Variants in BLOC1S5 observed in about 807,000 individuals in gnomAD.
BLOC1S5 encodes the protein biogenesis of lysosome-related organelles complex 1 subunit 5.
BLOC1S5 carries 27 observed loss-of-function variants against 24.3 expected under a neutral mutation model. The ratio of observed to expected loss-of-function variants is 1.11; its 90% CI spans 0.82 to 1.53. The LOEUF (loss-of-function observed/expected upper bound fraction) is 1.53. Ranked by LOEUF, BLOC1S5 falls within the 40% of genes most tolerant of loss-of-function variation. The probability of loss-of-function intolerance (pLI) is 0.00; values close to 1 mark genes in which losing one functional copy is unlikely to be tolerated. For missense variants in BLOC1S5, 239 were observed against 229.4 expected (o/e 1.04, Z -0.27); for synonymous variants, 84 against 74.5 (o/e 1.13, Z -0.66).
chr6:8,016,935 C>T (rs747165496), intron 4 of BLOC1S5, among the ~76,000 whole-genome samples: 1 of 142,630 alleles, frequency 7.0e-6, no homozygotes, highest in Non-Finnish European at 1.5e-5. Context: ...TAAAGCAAAT[C>T]AACATCTCAA....
chr6:8,020,513 T>C (rs1202600476), intron 4 of BLOC1S5, among the ~76,000 whole-genome samples: 3 of 152,220 alleles, frequency 2.0e-5, no homozygotes, highest in Non-Finnish European at 2.9e-5. Context: ...TACCTCCAGA[T>C]TCCAGAGGCT....
intron 4 of BLOC1S5, among the ~76,000 whole-genome samples, chr6:8,025,554 C>T (rs1296679006): frequency 1.3e-5 from 2 of 152,274 alleles, no homozygotes; most frequent in East Asian, 3.9e-4. Context: ...TCAAAATTTA[C>T]ATCAACATTT....
In BLOC1S5 at chr6:8,059,443, T is replaced by C. The variant is rs142749612; in HGVS notation, c.195+3091A>G. On this transcript the variant is annotated intron_variant, in intron 2 of 4. Coordinates refer to ENST00000397457, the MANE Select transcript of BLOC1S5 (RefSeq NM_201280.3). Reference sequence around the variant, plus strand: ...TTAAACATATAAACAACTTTAGTTTTAAGTGCTAGCCAGTTTTTCTTAAAG... The same window carrying C: ...TTAAACATATAAACAACTTTAGTTTCAAGTGCTAGCCAGTTTTTCTTAAAG... 4.5e-3 allele frequency among the ~76,000 whole-genome samples: 685 copies of C among 152,358 alleles called. 5 individuals are homozygous for C. Among genetic ancestry groups the C allele is most frequent in the African/African-American group, 0.015 (644 of 41,594 alleles).
At chr6:8,053,935 A>ATCCAAAATCTGAAATGC (rs70982136) in intron 2 of BLOC1S5, among the ~76,000 whole-genome samples, 60,481 of 150,666 alleles carry the variant, frequency 0.4, 13,965 homozygotes, top group East Asian at 0.76. Context: ...TAACTCGAAA[A>ATCCAAAATCTGAAATGC]TCCAAAATCT....
chr6:8,016,605 A>G (rs9392945), intron 4 of BLOC1S5, among the ~76,000 whole-genome samples: 23,713 of 151,766 alleles, frequency 0.16, 1,898 homozygotes, highest in Admixed American at 0.19. Flanking sequence ...AGTGGCTCGC[A>G]CCTGTAATCC....
intron 3 of BLOC1S5, among the ~76,000 whole-genome samples, chr6:8,036,081 A>T (rs892243447): frequency 5.3e-5 from 8 of 152,004 alleles, no homozygotes; most frequent in African/African-American, 1.5e-4. Flanking sequence ...AACAAGAGGA[A>T]ACTTGGAAAA....
chr6:8,051,484 C>T (rs1764103664), intron 2 of BLOC1S5, among the ~76,000 whole-genome samples: 1 of 152,184 alleles, frequency 6.6e-6, no homozygotes, highest in Admixed American at 6.5e-5. Context: ...GCAACAAATG[C>T]TAACGTAGAC....
intron 2 of BLOC1S5, among the ~76,000 whole-genome samples, chr6:8,061,294 A>C (rs1332185117): frequency 1.3e-5 from 2 of 152,184 alleles, no homozygotes; most frequent in African/African-American, 2.4e-5. Flanking sequence ...AAGACTTAAA[A>C]ATTTTTTTTA....
intron 3 of BLOC1S5, among the ~76,000 whole-genome samples, chr6:8,029,387 C>T (rs150055488): frequency 4.6e-5 from 7 of 152,314 alleles, no homozygotes; most frequent in Non-Finnish European, 8.8e-5. Context: ...GGAAATCTCC[C>T]TGACTCATGG....
At chr6:8,054,534 G>T (rs1178029377) in intron 2 of BLOC1S5, among the ~76,000 whole-genome samples, 2 of 152,188 alleles carry the variant, frequency 1.3e-5, no homozygotes, top group African/African-American at 4.8e-5. Context: ...ATAGTGTGTG[G>T]TTCCTGTACC....
chr6:8,047,712 A>G (rs1198626511), intron 2 of BLOC1S5, among the ~76,000 whole-genome samples: 1 of 152,018 alleles, frequency 6.6e-6, no homozygotes, highest in Non-Finnish European at 1.5e-5. Context: ...AATTTAACAT[A>G]CTCCTTTGTC....
intron 2 of BLOC1S5, among the ~76,000 whole-genome samples, chr6:8,056,943 G>A (rs557853232): frequency 4.6e-5 from 7 of 152,264 alleles, no homozygotes; most frequent in South Asian, 2.1e-4. Context: ...AAGGCCTGGC[G>A]TGGTGGCTCA....
At chr6:8,036,717 T>C (rs2815137) in intron 3 of BLOC1S5, among the ~76,000 whole-genome samples, 1 of 151,760 alleles carries the variant, frequency 6.6e-6, no homozygotes, top group African/African-American at 2.4e-5. Context: ...GACAAAAGAA[T>C]TAAAAAAGAG....
chr6:8,015,731 T>G lies in BLOC1S5; in HGVS notation c.482A>C (p.Glu161Ala), dbSNP rs1412854635. 6.2e-7 allele frequency: 1 copy of G among 1,614,192 alleles called. No individual in the cohort carries two copies. The highest frequency in any genetic ancestry group is 1.1e-5 in the South Asian group (1 of 91,080). Residue 161 changes from glutamate to alanine, a missense_variant, in exon 5 of 5, where the codon GAA becomes GCA. By Grantham distance (107) the Glu-to-Ala change is moderately radical. Coordinates refer to ENST00000397457, the MANE Select transcript of BLOC1S5 (RefSeq NM_201280.3). ...EQPNKRAEVD[E>A]EHRKAMERLK... ...CCTTTCCATGGCTTTTCTGTGCTCT[T>G]CATCCACTTCAGCCCTTTTGTTGGG...
chr6:8,055,711 T>C (rs1764282601), intron 2 of BLOC1S5, among the ~76,000 whole-genome samples: 1 of 152,188 alleles, frequency 6.6e-6, no homozygotes, highest in East Asian at 1.9e-4. Flanking sequence ...AACATTATTG[T>C]GAAAGGGTGT....
intron 2 of BLOC1S5, among the ~76,000 whole-genome samples, chr6:8,043,170 G>T (rs1763749754): frequency 6.6e-6 from 1 of 152,128 alleles, no homozygotes; most frequent in African/African-American, 2.4e-5. Flanking sequence ...CTCCATTCCA[G>T]AAAATAGAGC....
intron 2 of BLOC1S5, among the ~76,000 whole-genome samples, chr6:8,043,744 A>T (rs9392195): frequency 0.86 from 130,653 of 152,198 alleles, 56,444 homozygotes; most frequent in East Asian, 1. Flanking sequence ...TGTAAGAAAT[A>T]AAATAATGAA....
chr6:8,036,105 C>A (rs2113550919), intron 3 of BLOC1S5, among the ~76,000 whole-genome samples: 1 of 152,214 alleles, frequency 6.6e-6, no homozygotes, highest in South Asian at 2.1e-4. Flanking sequence ...ACACACACAA[C>A]ATGCTCCTGA....
At chr6:8,030,215 A>C (rs188309981) in intron 3 of BLOC1S5, among the ~76,000 whole-genome samples, 5 of 152,256 alleles carry the variant, frequency 3.3e-5, no homozygotes, top group Admixed American at 3.3e-4. Context: ...GCTGCAGTGC[A>C]GTGGCACAAT....
Sources: allele counts gnomAD v4.1 joint callset (sites outside exome capture counted in the v4.1 genomes callset), GRCh38; gene constraint gnomAD v4.1.1; transcripts MANE v1.5; gene names NCBI Gene and HGNC (gene_info 2026-07-23, HGNC 2026-07-21).